The following MAST2 variants were observed in gnomAD, a reference collection of about 807,000 sequenced individuals.
The protein encoded by MAST2 is microtubule associated serine/threonine kinase 2, also known as microtubule-associated serine/threonine-protein kinase 2.
MAST2 carries 70 observed loss-of-function variants against 147.4 expected under a neutral mutation model. That is an observed-to-expected ratio of 0.47 (90% CI 0.39 to 0.58). MAST2 has a LOEUF of 0.58. Ranked by LOEUF, MAST2 falls within the 20% of genes least tolerant of loss-of-function variation. The pLI is 0.00. For synonymous variants in MAST2, 869 were observed against 896.8 expected (o/e 0.97, Z 0.55); for missense variants, 2,080 against 2,302.3 (o/e 0.90, Z 1.98).
At chr1:45,810,304 T>C (rs1644253008) in intron 1 of MAST2, among the ~76,000 whole-genome samples, 1 of 152,154 alleles carries the variant, frequency 6.6e-6, no homozygotes, top group Non-Finnish European at 1.5e-5. Flanking sequence ...AAAAAATTAT[T>C]TTAATGGAAA....
chr1:45,956,334 C>G (rs1195423675), intron 4 of MAST2, among the ~76,000 whole-genome samples: 1 of 152,136 alleles, frequency 6.6e-6, no homozygotes, highest in Non-Finnish European at 1.5e-5. Flanking sequence ...TCTATGGCTC[C>G]TAAATGTTCC....
chr1:45,948,425 G>A (rs754333174), intron 4 of MAST2, among the ~76,000 whole-genome samples: 3 of 151,818 alleles, frequency 2.0e-5, no homozygotes, highest in Non-Finnish European at 2.9e-5. Context: ...ATATGGAACC[G>A]GGCCGGGTGC....
chr1:45,928,139 T>A (rs1262943384), intron 4 of MAST2, among the ~76,000 whole-genome samples: 2 of 152,258 alleles, frequency 1.3e-5, no homozygotes, highest in Non-Finnish European at 2.9e-5. Flanking sequence ...CAGTATCGTC[T>A]ACATTGTCAG....
intron 4 of MAST2, among the ~76,000 whole-genome samples, chr1:45,953,659 G>A (rs1227557203): frequency 1.3e-5 from 2 of 152,208 alleles, no homozygotes; most frequent in Non-Finnish European, 2.9e-5. Context: ...AAAGGGAACA[G>A]TTAACGCTGG....
intron 4 of MAST2, among the ~76,000 whole-genome samples, chr1:45,947,218 A>G (rs1658167678): frequency 6.6e-6 from 1 of 150,464 alleles, no homozygotes; most frequent in East Asian, 2.0e-4. Context: ...TGTTAGTTTT[A>G]CAAGCCAATC....
intron 4 of MAST2, among the ~76,000 whole-genome samples, chr1:45,883,771 G>C (rs1416991125): frequency 1.3e-5 from 2 of 151,990 alleles, no homozygotes; most frequent in African/African-American, 2.4e-5. Context: ...CAAGTGTCCT[G>C]AGTCTTCTGT....
intron 3 of MAST2, among the ~76,000 whole-genome samples, chr1:45,858,497 T>C (rs1214067600): frequency 6.6e-6 from 1 of 151,662 alleles, no homozygotes; most frequent in East Asian, 1.9e-4. Context: ...GAGTTCTTTG[T>C]AGATTCTGGA....
intron 5 of MAST2, among the ~76,000 whole-genome samples, chr1:45,984,280 G>T (rs1644526653): frequency 6.6e-6 from 1 of 151,482 alleles, no homozygotes; most frequent in African/African-American, 2.4e-5. Flanking sequence ...GTCTTTGTGA[G>T]GTTTATTTTA....
intron 12 of MAST2, 69 bp downstream of exon 12, chr1:46,022,151 TG>T: frequency 6.3e-7 from 1 of 1,590,648 alleles, no homozygotes; most frequent in African/African-American, 1.3e-5. Flanking sequence ...GCAGGGAAGC[TG>T]CTTGGAAAAG....
At chr1:45,974,025 G>A (rs1644033504) in intron 5 of MAST2, among the ~76,000 whole-genome samples, 1 of 152,216 alleles carries the variant, frequency 6.6e-6, no homozygotes, top group African/African-American at 2.4e-5. Context: ...GAGAGATCAA[G>A]AGAGTTTTCT....
At position 46,029,812 on chromosome 1, in the gene MAST2, A is replaced by G. The variant is rs1557508280; in HGVS notation, c.2321-19A>G. 2.5e-6 allele frequency: 4 copies of G among 1,613,432 alleles called. No individual in the cohort carries two copies. Among genetic ancestry groups the G allele is most frequent in the East Asian group, 2.2e-5 (1 of 44,890 alleles). On this transcript the variant is annotated intron_variant, in intron 19 of 28. Transcript: ENST00000361297. Reference sequence around the variant, plus strand: ...TGCTGCTCATCCTACCCCCTTGCCCATGTCCTCCCTGTCCACAGGCAGTGC... The same window carrying G: ...TGCTGCTCATCCTACCCCCTTGCCCGTGTCCTCCCTGTCCACAGGCAGTGC...
chr1:46,032,765 C>A (rs1283256067), intron 26 of MAST2, 47 bp downstream of exon 26: 1 of 1,584,832 alleles, frequency 6.3e-7, no homozygotes, highest in South Asian at 1.2e-5. Flanking sequence ...TGACCTCAGC[C>A]TGTGAGTCTG....
intron 3 of MAST2, among the ~76,000 whole-genome samples, chr1:45,878,655 T>C (rs1646708821): frequency 6.6e-6 from 1 of 152,104 alleles, no homozygotes; most frequent in Non-Finnish European, 1.5e-5. Context: ...TACCAAAGTA[T>C]AGGATACATG....
At chr1:46,000,951 T>A (rs1404972417) in intron 6 of MAST2, 1 of 1,289,632 alleles carries the variant, frequency 7.8e-7, no homozygotes, top group Non-Finnish European at 1.0e-6. Flanking sequence ...TGTATTTTTT[T>A]ACTACAGCCA....
At chr1:45,945,162 G>A (rs984195528) in intron 4 of MAST2, among the ~76,000 whole-genome samples, 4 of 152,118 alleles carry the variant, frequency 2.6e-5, no homozygotes, top group African/African-American at 9.7e-5. Context: ...ATTTAGCCAG[G>A]TGTGGTGGTG....
intron 4 of MAST2, among the ~76,000 whole-genome samples, chr1:45,957,091 A>C (rs1659762460): frequency 1.3e-5 from 2 of 152,196 alleles, no homozygotes. Flanking sequence ...TTTTAGTATA[A>C]ATATCCAGGG....
intron 4 of MAST2, among the ~76,000 whole-genome samples, chr1:45,893,193 T>A (rs1041535778): frequency 1.8e-4 from 28 of 151,992 alleles, no homozygotes; most frequent in Non-Finnish European, 7.4e-5. Flanking sequence ...ATTTTCAGTT[T>A]TTATTATTTA....
intron 4 of MAST2, chr1:45,917,323 T>C: frequency 7.4e-7 from 1 of 1,358,312 alleles, no homozygotes; most frequent in Non-Finnish European, 9.8e-7. Flanking sequence ...TTTTTCCTAT[T>C]GTGGTACCTT....
chr1:45,819,074 T>G (rs1012644771), intron 1 of MAST2, among the ~76,000 whole-genome samples: 6 of 152,012 alleles, frequency 3.9e-5, no homozygotes, highest in Non-Finnish European at 8.8e-5. Flanking sequence ...ACCAACATGG[T>G]GAAACCTTGT....
Sources: gnomAD v4.1 joint callset for allele counts (sites outside exome capture counted in the v4.1 genomes callset) on GRCh38, gnomAD v4.1.1 for gene constraint, MANE v1.5 for transcripts, NCBI Gene and HGNC (gene_info 2026-07-23, HGNC 2026-07-21) for gene names.